Variants in ANXA4 observed in about 807,000 individuals in gnomAD.
The protein encoded by ANXA4 is annexin A4, also known as 35-beta calcimedin.
ANXA4 carries 39 observed loss-of-function variants against 49.8 expected under a neutral mutation model. The ratio of observed to expected loss-of-function variants is 0.78; its 90% CI spans 0.61 to 1.02. The LOEUF is 1.02. Ranked by LOEUF, ANXA4 falls within the 50% of genes least tolerant of loss-of-function variation. The pLI is 0.00. For synonymous variants in ANXA4, 134 were observed against 152.5 expected (o/e 0.88, Z 0.89); for missense variants, 360 against 410.1 (o/e 0.88, Z 1.05).
At chr2:69,760,840 T>C (rs1156778497) in intron 1 of ANXA4, among the ~76,000 whole-genome samples, 1 of 152,060 alleles carries the variant, frequency 6.6e-6, no homozygotes, top group Non-Finnish European at 1.5e-5. Context: ...TCAAATAAGA[T>C]AAAATATGTG....
chr2:69,787,236 C>T (rs775653261), intron 2 of ANXA4, among the ~76,000 whole-genome samples: 2 of 152,172 alleles, frequency 1.3e-5, no homozygotes, highest in African/African-American at 2.4e-5. Context: ...AAATTTCCAT[C>T]GTCTCATAAA....
intron 1 of ANXA4, among the ~76,000 whole-genome samples, chr2:69,763,382 T>A (rs1671373399): frequency 6.6e-6 from 1 of 152,046 alleles, no homozygotes; most frequent in Non-Finnish European, 1.5e-5. Context: ...CAAAGCTGCT[T>A]TTCTGGTTCA....
chr2:69,758,480 G>A (rs1254436985), intron 1 of ANXA4, among the ~76,000 whole-genome samples: 1 of 152,202 alleles, frequency 6.6e-6, no homozygotes, highest in Non-Finnish European at 1.5e-5. Context: ...AAATTAGCCG[G>A]AAGTGGTGGC....
intron 2 of ANXA4, among the ~76,000 whole-genome samples, chr2:69,658,784 T>G (rs934429751): frequency 6.6e-6 from 1 of 152,142 alleles, no homozygotes; most frequent in African/African-American, 2.4e-5. Context: ...AACCTCCGCC[T>G]CCCTGGTTCA....
At chr2:69,777,786 G>T (rs1026596782) in intron 1 of ANXA4, among the ~76,000 whole-genome samples, 15 of 152,202 alleles carry the variant, frequency 9.9e-5, no homozygotes, top group African/African-American at 3.4e-4. Flanking sequence ...TCTTAGTTCA[G>T]ATGTCAACTC....
At chr2:69,696,533 T>C (rs1678165291) in intron 2 of ANXA4, among the ~76,000 whole-genome samples, 1 of 152,228 alleles carries the variant, frequency 6.6e-6, no homozygotes. Flanking sequence ...CTCTCATGAA[T>C]CATGAGTATT....
At chr2:69,723,130 G>T (rs1009796047) in intron 3 of ANXA4, among the ~76,000 whole-genome samples, 6 of 149,838 alleles carry the variant, frequency 4.0e-5, no homozygotes, top group Non-Finnish European at 8.9e-5. Context: ...GGTGGAGGTT[G>T]CAGTGAGCCG....
intron 2 of ANXA4, among the ~76,000 whole-genome samples, chr2:69,784,431 C>T (rs1019759002): frequency 3.3e-5 from 5 of 152,184 alleles, no homozygotes; most frequent in African/African-American, 4.8e-5. Flanking sequence ...TTTTTCAATA[C>T]GGAATTTCCA....
At chr2:69,712,503 C>A (rs1678708149) in intron 2 of ANXA4, among the ~76,000 whole-genome samples, 1 of 152,178 alleles carries the variant, frequency 6.6e-6, no homozygotes, top group Non-Finnish European at 1.5e-5. Flanking sequence ...TGGCATTTTT[C>A]TTTCAGCCTA....
At chr2:69,669,382 G>C (rs1041189611) in intron 2 of ANXA4, among the ~76,000 whole-genome samples, 1 of 151,406 alleles carries the variant, frequency 6.6e-6, no homozygotes, top group Non-Finnish European at 1.5e-5. Flanking sequence ...GGCAGAGGTG[G>C]GCAGATCACT....
At chr2:69,778,775 CAAAAAAAAAAAAA>C (rs58688910) in intron 1 of ANXA4, among the ~76,000 whole-genome samples, 9 of 36,568 alleles carry the variant, frequency 2.5e-4, no homozygotes, top group African/African-American at 7.6e-4. Flanking sequence ...AACTCTGTCT[CAAAAAAAAAAAAA>C]AAAAAAAAAA....
chr2:69,725,662 G>A (rs556132465), intron 3 of ANXA4, among the ~76,000 whole-genome samples: 1 of 152,250 alleles, frequency 6.6e-6, no homozygotes, highest in Admixed American at 6.5e-5. Context: ...AGAGGCTCAA[G>A]GCTCAGAGAA....
chr2:69,661,724 A>G (rs927507982), intron 2 of ANXA4, among the ~76,000 whole-genome samples: 1 of 152,124 alleles, frequency 6.6e-6, no homozygotes, highest in Admixed American at 6.6e-5. Context: ...AAGAAGCAAC[A>G]TGACAGTAGG....
chr2:69,793,019 C>A (rs1478974828), intron 3 of ANXA4, among the ~76,000 whole-genome samples: 1 of 151,154 alleles, frequency 6.6e-6, no homozygotes, highest in Non-Finnish European at 1.5e-5. Context: ...TTTGGGAGGC[C>A]AAGGCGGGCG....
chr2:69,737,266 C>T (rs949296646), upstream of ANXA4, among the ~76,000 whole-genome samples: 14 of 152,180 alleles, frequency 9.2e-5, no homozygotes, highest in Non-Finnish European at 2.9e-5. Context: ...AAAGTTTTAT[C>T]ACAATGTTGC....
intron 2 of ANXA4, among the ~76,000 whole-genome samples, chr2:69,706,783 G>A (rs749995586): frequency 3.9e-5 from 6 of 152,308 alleles, no homozygotes; most frequent in Admixed American, 6.5e-5. Context: ...CACTTAGTGT[G>A]TTTTCAAGGT....
intron 12 of ANXA4, among the ~76,000 whole-genome samples, chr2:69,823,596 A>G (rs1050544948): frequency 1.3e-5 from 2 of 152,264 alleles, no homozygotes; most frequent in East Asian, 3.9e-4. Context: ...GAATTTAGGG[A>G]GAAAAAGTAT....
chr2:69,806,117 T>C (rs1673432557), intron 4 of ANXA4, among the ~76,000 whole-genome samples: 1 of 152,194 alleles, frequency 6.6e-6, no homozygotes, highest in African/African-American at 2.4e-5. Flanking sequence ...CTTGTACAGA[T>C]ATGTACTTGA....
chr2:69,712,990 T>C (rs1234037265), intron 2 of ANXA4, among the ~76,000 whole-genome samples: 1 of 152,112 alleles, frequency 6.6e-6, no homozygotes, highest in Non-Finnish European at 1.5e-5. Flanking sequence ...GTGGACTGGC[T>C]TCTACCCTAA....
Sources: allele counts gnomAD v4.1 joint callset (sites outside exome capture counted in the v4.1 genomes callset), GRCh38; gene constraint gnomAD v4.1.1; transcripts MANE v1.5; gene names NCBI Gene and HGNC (gene_info 2026-07-23, HGNC 2026-07-21).